Variants in RBM46 observed in about 807,000 individuals in gnomAD.
RBM46 encodes the protein RNA binding motif protein 46.
In RBM46, 12 loss-of-function variants were observed where a neutral mutation model predicts 43.3. That is an observed-to-expected ratio of 0.28 (90% CI 0.18 to 0.45). The LOEUF is 0.45. RBM46 is among the 20% of genes least tolerant of loss of function. The pLI is 1.00. For synonymous variants in RBM46, 205 were observed against 207.6 expected (o/e 0.99, Z 0.11); for missense variants, 412 against 639.1 (o/e 0.64, Z 3.83).
In RBM46 at chr4:154,799,243, A is replaced by G; in HGVS notation, c.1081A>G (p.Ser361Gly). ...PARLNGQHSP[S>G]PPEVERCTYP... ...TCGTCTCAATGGTCAGCATAGCCCA[A>G]GTCCGCCTGAAGTTGAAAGATGCAC... The change falls in exon 4 of 5, where the codon AGT (serine) becomes GGT (glycine). Residue 361 changes from serine (S) to glycine (G), a missense_variant. Ser to Gly is a moderately conservative substitution (Grantham distance 56, BLOSUM62 0). Coordinates refer to ENST00000281722, the MANE Select transcript of RBM46 (RefSeq NM_144979.5). The G allele has an allele frequency of 1.2e-6, 2 of 1,614,200 alleles. No homozygotes were observed. The highest frequency in any genetic ancestry group is 1.7e-6 in the Non-Finnish European group (2 of 1,180,030).
chr4:154,791,667 A>C (rs1375817057), intron 1 of RBM46, among the ~76,000 whole-genome samples: 2 of 152,212 alleles, frequency 1.3e-5, no homozygotes, highest in African/African-American at 4.8e-5. Flanking sequence ...ATAAGAAATA[A>C]GTTTCTTAAA....
At chr4:154,826,893 G>A in intron 4 of RBM46, 1 of 1,441,376 alleles carries the variant, frequency 6.9e-7, no homozygotes, top group African/African-American at 1.4e-5. Context: ...ATAGTACCAG[G>A]ACAGTATTAT....
At chr4:154,782,623 C>G (rs970227473) in intron 1 of RBM46, among the ~76,000 whole-genome samples, 1 of 152,106 alleles carries the variant, frequency 6.6e-6, no homozygotes, top group Non-Finnish European at 1.5e-5. Context: ...GTAGCTGGGA[C>G]TACAGGCGCG....
At chr4:154,802,113 T>C (rs540691208) in intron 4 of RBM46, among the ~76,000 whole-genome samples, 1 of 152,260 alleles carries the variant, frequency 6.6e-6, no homozygotes, top group Non-Finnish European at 1.5e-5. Flanking sequence ...CCCTAGGTCC[T>C]ATTTCGGTGG....
chr4:154,819,594 T>C (rs1266572210), intron 4 of RBM46, among the ~76,000 whole-genome samples: 1 of 152,226 alleles, frequency 6.6e-6, no homozygotes, highest in African/African-American at 2.4e-5. Flanking sequence ...GGTTGATTAG[T>C]GTTACCTAGT....
chr4:154,826,106 G>A (rs1007662603), intron 4 of RBM46, among the ~76,000 whole-genome samples: 30 of 149,732 alleles, frequency 2.0e-4, no homozygotes, highest in Non-Finnish European at 7.4e-5. Context: ...TAATGGTCCC[G>A]TTTATACTCA....
chr4:154,807,505 G>A (rs947106384), intron 4 of RBM46, among the ~76,000 whole-genome samples: 2 of 151,866 alleles, frequency 1.3e-5, no homozygotes. Context: ...GACAGAAGAT[G>A]TAGAATGATG....
In RBM46 at chr4:154,799,380, C is replaced by T. The variant is rs72959256; in HGVS notation, c.1218C>T (p.Asn406=). Residue 406 remains asparagine, a synonymous_variant, in exon 4 of 5, where the codon AAC becomes AAT. Coordinates refer to ENST00000281722, the MANE Select transcript of RBM46 (RefSeq NM_144979.5). ...TGGATTATTACTGCAACAAAAATAA[C>T]TGGGCACCACCAGAATATTATTTAT... ...MHLDYYCNKN[N]WAPPEYYLYS... 1.6e-3 allele frequency: 2,601 copies of T among 1,614,028 alleles called. 28 individuals carry two copies. The African/African-American group carries it at 0.026, about 16-fold the overall frequency.
intron 1 of RBM46, among the ~76,000 whole-genome samples, chr4:154,795,093 T>A (rs549467932): frequency 6.6e-6 from 1 of 152,202 alleles, no homozygotes; most frequent in East Asian, 1.9e-4. Flanking sequence ...TTTCTTACTG[T>A]TTTATTAGGT....
chr4:154,828,039 G>C lies in RBM46; in HGVS notation c.1574G>C (p.Cys525Ser), dbSNP rs1736050719. The change falls in exon 5 of 5, where the codon TGT becomes TCT. Residue 525 changes from cysteine to serine, a missense_variant. Cys to Ser is a moderately radical substitution (Grantham distance 112). This residue lies in a region of RBM46 where 149 missense variants were observed against 156.3 expected (regional missense o/e 0.95). Coordinates refer to ENST00000281722, the MANE Select transcript of RBM46 (RefSeq NM_144979.5). ...GGCAGCCATGTTGGACAGCGGCTAT[G>C]TATCTCCAATCAGGCCTCCTTCTTC... Reference protein sequence around the residue: ...ANGSHVGQRLCISNQASFF With the variant: ...ANGSHVGQRLSISNQASFF 1.2e-6 allele frequency: 2 copies of C among 1,613,604 alleles called. No individual in the cohort carries two copies. The highest frequency in any genetic ancestry group is 1.7e-6 in the Non-Finnish European group (2 of 1,179,584).
At chr4:154,794,530 TAAAATGAAAGAACC>T (rs1734257401) in intron 1 of RBM46, among the ~76,000 whole-genome samples, 1 of 152,120 alleles carries the variant, frequency 6.6e-6, no homozygotes, top group Non-Finnish European at 1.5e-5. Context: ...ATGATCCTTT[TAAAATGAAAGAACC>T]TGTTACTTGT....
intron 4 of RBM46, among the ~76,000 whole-genome samples, chr4:154,813,874 C>T (rs1415115508): frequency 6.6e-6 from 1 of 151,978 alleles, no homozygotes; most frequent in Non-Finnish European, 1.5e-5. Flanking sequence ...AATAGTATGA[C>T]ATATCTGAGA....
At chr4:154,803,297 C>G (rs1366765099) in intron 4 of RBM46, among the ~76,000 whole-genome samples, 1 of 152,038 alleles carries the variant, frequency 6.6e-6, no homozygotes, top group African/African-American at 2.4e-5. Flanking sequence ...CAAAATAGAA[C>G]CTTCCTTATC....
At chr4:154,827,465 A>G in intron 4 of RBM46, 1 of 1,004,608 alleles carries the variant, frequency 1.0e-6, no homozygotes, top group Non-Finnish European at 1.2e-6. Context: ...TACAGCTTCA[A>G]AGAAAAAAAA....
At chr4:154,820,358 T>G (rs1318523264) in intron 4 of RBM46, 18 of 1,518,600 alleles carry the variant, frequency 1.2e-5, no homozygotes, top group Non-Finnish European at 1.6e-5. Context: ...CTTCACTGCT[T>G]ACAGACAGGG....
At chr4:154,799,885 G>A (rs547072215) in intron 4 of RBM46, among the ~76,000 whole-genome samples, 11 of 150,454 alleles carry the variant, frequency 7.3e-5, no homozygotes, top group East Asian at 2.0e-4. Context: ...TCAGCCTCCC[G>A]CGTAGCTGGG....
intron 4 of RBM46, among the ~76,000 whole-genome samples, chr4:154,801,139 C>T (rs992749887): frequency 2.6e-5 from 4 of 151,870 alleles, no homozygotes; most frequent in African/African-American, 7.3e-5. Flanking sequence ...CCACCGTGCC[C>T]GGCTAATTTT....
intron 4 of RBM46, among the ~76,000 whole-genome samples, chr4:154,807,289 A>T (rs1734952562): frequency 6.6e-6 from 1 of 151,684 alleles, no homozygotes. Context: ...ATGTGGCTTT[A>T]AAAGGAAATT....
chr4:154,800,681 C>T (rs955336031), intron 4 of RBM46, among the ~76,000 whole-genome samples: 1 of 144,788 alleles, frequency 6.9e-6, no homozygotes, highest in Non-Finnish European at 1.5e-5. Flanking sequence ...TACTTTGTGT[C>T]CCAAATAATA....
Sources: allele counts gnomAD v4.1 joint callset (sites outside exome capture counted in the v4.1 genomes callset), GRCh38; gene constraint gnomAD v4.1.1; regional missense constraint gnomAD v4.1.1; transcripts MANE v1.5; gene names NCBI Gene and HGNC (gene_info 2026-07-23, HGNC 2026-07-21).